The following TNFSF4 variants were observed in gnomAD, a reference collection of about 807,000 sequenced individuals.
TNFSF4 encodes the protein tumor necrosis factor ligand superfamily member 4.
Under a neutral mutation model 7.3 loss-of-function variants are expected in TNFSF4, and 4 were observed. That is an observed-to-expected ratio of 0.55 (90% CI 0.27 to 1.25). The LOEUF (loss-of-function observed/expected upper bound fraction) is 1.25, where lower values mean the gene tolerates loss of function less well. Ranked by LOEUF, TNFSF4 falls within the 50% of genes most tolerant of loss-of-function variation. The pLI, the probability that TNFSF4 is intolerant of heterozygous loss-of-function variation, is 0.12. For missense variants in TNFSF4, 181 were observed against 208.8 expected, an observed-to-expected ratio of 0.87 and a Z score of 0.82; for synonymous variants, 76 against 83.7, an observed-to-expected ratio of 0.91 and a Z score of 0.50.
chr1:173,252,929 T>C, the TNFSF4 span, among the ~76,000 whole-genome samples: 1 of 152,222 alleles, frequency 6.6e-6, no homozygotes, highest in Non-Finnish European at 1.5e-5. Context: ...GTTTCAGAAC[T>C]TCCTTGAAAT....
the TNFSF4 span, among the ~76,000 whole-genome samples, chr1:173,366,817 A>G: frequency 6.6e-6 from 1 of 152,154 alleles, no homozygotes; most frequent in Non-Finnish European, 1.5e-5. Flanking sequence ...TCCTATAAAC[A>G]CAAGAATTTG....
chr1:173,182,740 T>C (rs1649077447), downstream of TNFSF4, among the ~76,000 whole-genome samples: 1 of 152,216 alleles, frequency 6.6e-6, no homozygotes, highest in Non-Finnish European at 1.5e-5. Flanking sequence ...TAGGTATTGC[T>C]GATGTGGGAG....
At chr1:173,383,855 G>A in the TNFSF4 span, among the ~76,000 whole-genome samples, 4 of 152,066 alleles carry the variant, frequency 2.6e-5, no homozygotes, top group Non-Finnish European at 4.4e-5. Context: ...GTTTCCAACC[G>A]TATAAAATGA....
chr1:173,336,019 G>A, the TNFSF4 span, among the ~76,000 whole-genome samples: 1 of 152,128 alleles, frequency 6.6e-6, no homozygotes, highest in Non-Finnish European at 1.5e-5. Context: ...TTTTAGTTCA[G>A]GTCTATCTCA....
chr1:173,255,540 G>T, the TNFSF4 span, among the ~76,000 whole-genome samples: 1 of 152,158 alleles, frequency 6.6e-6, no homozygotes, highest in South Asian at 2.1e-4. Context: ...TATAATGTGG[G>T]TGTGGCCTCT....
the TNFSF4 span, among the ~76,000 whole-genome samples, chr1:173,447,695 AG>A: frequency 5.3e-5 from 8 of 152,238 alleles, no homozygotes; most frequent in Non-Finnish European, 1.2e-4. Flanking sequence ...CAGCAAACAT[AG>A]TGAGACATCA....
the TNFSF4 span, among the ~76,000 whole-genome samples, chr1:173,416,608 T>TTTTATGTATTTATTTATTTATTTA: frequency 8.2e-6 from 1 of 121,942 alleles, no homozygotes; most frequent in Non-Finnish European, 1.7e-5. Context: ...ATTTTTTTAT[T>TTTTATGTATTTATTTATTTATTTA]TTTATTTATT....
chr1:173,229,872 A>T, the TNFSF4 span, among the ~76,000 whole-genome samples: 4 of 152,250 alleles, frequency 2.6e-5, no homozygotes, highest in Non-Finnish European at 4.4e-5. Context: ...CAATTCAACA[A>T]GAAGAGCTAA....
chr1:173,373,114 T>A, the TNFSF4 span, among the ~76,000 whole-genome samples: 1 of 152,234 alleles, frequency 6.6e-6, no homozygotes, highest in Non-Finnish European at 1.5e-5. Flanking sequence ...TATCTAATCC[T>A]ACATGCCCAT....
the TNFSF4 span, among the ~76,000 whole-genome samples, chr1:173,270,080 G>A: frequency 6.6e-6 from 1 of 152,164 alleles, no homozygotes; most frequent in Non-Finnish European, 1.5e-5. Context: ...AAGCAAGAAA[G>A]AGCAAAGTCA....
chr1:173,317,390 C>T, the TNFSF4 span, among the ~76,000 whole-genome samples: 2 of 152,164 alleles, frequency 1.3e-5, no homozygotes, highest in Non-Finnish European at 2.9e-5. Context: ...TTGGCTAAGA[C>T]CAAGTGTGAT....
At chr1:173,287,088 C>T in the TNFSF4 span, among the ~76,000 whole-genome samples, 3 of 152,032 alleles carry the variant, frequency 2.0e-5, no homozygotes, top group Non-Finnish European at 2.9e-5. Flanking sequence ...GAGGTGGAGG[C>T]AGGAAGATTG....
At chr1:173,198,015 A>T (rs1207248770) in intron 1 of TNFSF4, among the ~76,000 whole-genome samples, 1 of 152,218 alleles carries the variant, frequency 6.6e-6, no homozygotes, top group Non-Finnish European at 1.5e-5. Flanking sequence ...TCATAATAAA[A>T]GTTCAATGTA....
chr1:173,344,306 G>A, the TNFSF4 span, among the ~76,000 whole-genome samples: 1 of 152,188 alleles, frequency 6.6e-6, no homozygotes, highest in Non-Finnish European at 1.5e-5. Flanking sequence ...AGTATGGCAT[G>A]GGGGAAAGTG....
the TNFSF4 span, among the ~76,000 whole-genome samples, chr1:173,401,075 T>C: frequency 6.6e-6 from 1 of 152,196 alleles, no homozygotes; most frequent in African/African-American, 2.4e-5. Context: ...TCCCTTATTA[T>C]ATAACATAAA....
chr1:173,210,666 C>CA (rs546452963), upstream of TNFSF4, among the ~76,000 whole-genome samples: 11 of 151,268 alleles, frequency 7.3e-5, no homozygotes, highest in South Asian at 1.7e-3. Context: ...TTTAGAATTA[C>CA]AAAAAAAATC....
chr1:173,370,650 A>G, the TNFSF4 span, among the ~76,000 whole-genome samples: 3 of 152,318 alleles, frequency 2.0e-5, no homozygotes, highest in South Asian at 6.2e-4. Context: ...TCAGCCACAG[A>G]TATCAGGAGA....
chr1:173,308,971 T>C, the TNFSF4 span, among the ~76,000 whole-genome samples: 1 of 151,920 alleles, frequency 6.6e-6, no homozygotes, highest in Non-Finnish European at 1.5e-5. Flanking sequence ...ACTGAGGCAA[T>C]TGCCAAGGTC....
chr1:173,321,132 T>C, the TNFSF4 span, among the ~76,000 whole-genome samples: 1 of 152,104 alleles, frequency 6.6e-6, no homozygotes, highest in Non-Finnish European at 1.5e-5. Context: ...AAAACAGATA[T>C]ATAGACCAAA....
Sources: gnomAD v4.1 joint callset for allele counts (sites outside exome capture counted in the v4.1 genomes callset) on GRCh38, gnomAD v4.1.1 for gene constraint, MANE v1.5 for transcripts, NCBI Gene and HGNC (gene_info 2026-07-23, HGNC 2026-07-21) for gene names.